TRIM44: variants seen among roughly 807,000 people sequenced by gnomAD.
TRIM44 encodes tripartite motif containing 44.
A neutral mutation model predicts 37.4 loss-of-function variants in TRIM44; 13 were observed. That is an observed-to-expected ratio of 0.35 (90% CI 0.23 to 0.55). The LOEUF is 0.55. TRIM44 is among the 20% of genes least tolerant of loss of function. TRIM44 has a pLI of 0.89. For missense variants in TRIM44, 426 were observed against 437.2 expected (o/e 0.97, Z 0.23); for synonymous variants, 175 against 157.2 (o/e 1.11, Z -0.85).
At chr11:35,664,420 C>T (rs511160) in intron 1 of TRIM44, among the ~76,000 whole-genome samples, 3,620 of 152,168 alleles carry the variant, frequency 0.024, 106 homozygotes, top group African/African-American at 0.067. Context: ...GTGGACACTT[C>T]GGAAATATTT....
rs551792586 is a variant in TRIM44, at chr11:35,701,459, T to G, written c.747+16123T>G. ...TTCTGTGCTCAGAAAAAGGAAAATT[T>G]AAGATAGTTAATGGAGGGAAAAAGA... is the stretch of plus-strand genomic sequence containing the variant. On this transcript the variant is annotated intron_variant, in intron 2 of 4. Transcript: ENST00000299413. Among the ~76,000 whole-genome samples the G allele has an allele frequency of 2.6e-5, 4 of 152,180 alleles. No homozygotes were observed. The East Asian group carries it at 7.7e-4, about 29-fold the overall frequency.
intron 1 of TRIM44, among the ~76,000 whole-genome samples, chr11:35,672,288 C>T (rs1018944472): frequency 3.9e-5 from 6 of 151,996 alleles, no homozygotes; most frequent in Non-Finnish European, 7.4e-5. Flanking sequence ...TTACTACATA[C>T]GATATGTTCT....
chr11:35,704,011 A>C, intron 2 of TRIM44, among the ~76,000 whole-genome samples: 1 of 152,122 alleles, frequency 6.6e-6, no homozygotes, highest in East Asian at 1.9e-4. Flanking sequence ...GAAAACTTTG[A>C]AAAAAATTTA....
At chr11:35,756,226 T>C (rs1320970408) in intron 4 of TRIM44, among the ~76,000 whole-genome samples, 1 of 152,166 alleles carries the variant, frequency 6.6e-6, no homozygotes, top group Non-Finnish European at 1.5e-5. Flanking sequence ...TTCACATCCC[T>C]TGTAAGTTGG....
At chr11:35,773,032 T>A (rs973863465) in intron 4 of TRIM44, among the ~76,000 whole-genome samples, 2 of 152,120 alleles carry the variant, frequency 1.3e-5, no homozygotes, top group Non-Finnish European at 2.9e-5. Context: ...GGAGGTGGTT[T>A]CCCCCATGCT....
intron 4 of TRIM44, among the ~76,000 whole-genome samples, chr11:35,773,399 C>A (rs1286218944): frequency 6.6e-6 from 1 of 151,994 alleles, no homozygotes. Flanking sequence ...TTGTCAGATG[C>A]ATAGTTTGCA....
intron 2 of TRIM44, among the ~76,000 whole-genome samples, chr11:35,707,185 A>G (rs1038702912): frequency 1.3e-5 from 2 of 152,210 alleles, no homozygotes; most frequent in African/African-American, 4.8e-5. Flanking sequence ...AGAATACAAT[A>G]CCTAGGAATC....
At chr11:35,764,267 C>A (rs1462092434) in intron 4 of TRIM44, among the ~76,000 whole-genome samples, 2 of 152,170 alleles carry the variant, frequency 1.3e-5, no homozygotes, top group African/African-American at 4.8e-5. Context: ...TTTCTTTGAT[C>A]ACCTAGTTCA....
At chr11:35,738,246 C>G (rs1590556165) in intron 4 of TRIM44, among the ~76,000 whole-genome samples, 1 of 152,192 alleles carries the variant, frequency 6.6e-6, no homozygotes, top group African/African-American at 2.4e-5. Flanking sequence ...AATACAAGGA[C>G]TGTATGAAGA....
intron 2 of TRIM44, among the ~76,000 whole-genome samples, chr11:35,690,035 A>G (rs1184800315): frequency 6.6e-6 from 1 of 152,214 alleles, no homozygotes; most frequent in Admixed American, 6.5e-5. Context: ...CTCAAAAAGA[A>G]GCATCTTAAA....
intron 4 of TRIM44, among the ~76,000 whole-genome samples, chr11:35,738,464 A>C (rs1852353496): frequency 6.6e-6 from 1 of 152,174 alleles, no homozygotes; most frequent in Admixed American, 6.5e-5. Flanking sequence ...TTTTTGGTAC[A>C]ATAAGTACCA....
At chr11:35,731,541 G>A (rs984795946) in intron 3 of TRIM44, among the ~76,000 whole-genome samples, 5 of 152,072 alleles carry the variant, frequency 3.3e-5, no homozygotes, top group Non-Finnish European at 7.4e-5. Flanking sequence ...TAATGCCATT[G>A]TCAGGTTTGG....
intron 4 of TRIM44, among the ~76,000 whole-genome samples, chr11:35,746,611 G>T (rs148231338): frequency 6.6e-6 from 1 of 152,026 alleles, no homozygotes; most frequent in South Asian, 2.1e-4. Context: ...GTTCAGAGTC[G>T]ATGAGTGCAG....
intron 2 of TRIM44, among the ~76,000 whole-genome samples, chr11:35,710,202 A>G (rs936190973): frequency 1.3e-5 from 2 of 152,190 alleles, no homozygotes; most frequent in Non-Finnish European, 2.9e-5. Context: ...ACTCAAATAT[A>G]GAATTACAGA....
intron 1 of TRIM44, among the ~76,000 whole-genome samples, chr11:35,674,331 A>G (rs1851436304): frequency 6.6e-6 from 1 of 152,158 alleles, no homozygotes; most frequent in South Asian, 2.1e-4. Flanking sequence ...AGGTGCAAAA[A>G]AAATCAATAT....
intron 4 of TRIM44, among the ~76,000 whole-genome samples, chr11:35,744,342 A>C (rs970504791): frequency 6.6e-6 from 1 of 152,234 alleles, no homozygotes. Context: ...TTATATCTTA[A>C]ATGTTCTTAA....
At chr11:35,675,291 C>G (rs2135485700) in intron 1 of TRIM44, among the ~76,000 whole-genome samples, 1 of 152,238 alleles carries the variant, frequency 6.6e-6, no homozygotes, top group East Asian at 1.9e-4. Context: ...ATTAATTTGA[C>G]TGCATCTAAA....
At chr11:35,773,957 C>T in intron 4 of TRIM44, among the ~76,000 whole-genome samples, 1 of 152,142 alleles carries the variant, frequency 6.6e-6, no homozygotes, top group East Asian at 1.9e-4. Flanking sequence ...TTTATGGCAG[C>T]ATGATTTATA....
intron 2 of TRIM44, among the ~76,000 whole-genome samples, chr11:35,716,421 G>A (rs567446197): frequency 3.3e-5 from 5 of 152,258 alleles, no homozygotes; most frequent in African/African-American, 1.2e-4. Flanking sequence ...GTGCTAAAGT[G>A]GAGCCTCGAA....
Sources: gnomAD v4.1 joint callset for allele counts (sites outside exome capture counted in the v4.1 genomes callset) on GRCh38, gnomAD v4.1.1 for gene constraint, MANE v1.5 for transcripts, NCBI Gene and HGNC (gene_info 2026-07-23, HGNC 2026-07-21) for gene names.